MGST1: variants seen among roughly 807,000 people sequenced by gnomAD.
The protein encoded by MGST1 is glutathione S-transferase 12.
Under a neutral mutation model 8.9 loss-of-function variants are expected in MGST1, and 5 were observed. The ratio of observed to expected loss-of-function variants is 0.56; its 90% CI spans 0.29 to 1.19. MGST1 has a LOEUF of 1.19. MGST1 is among the 50% of genes most tolerant of loss of function. The pLI is 0.08. For missense variants in MGST1, 182 were observed against 187.4 expected, an observed-to-expected ratio of 0.97 and a Z score of 0.17; for synonymous variants, 54 against 67.8, an observed-to-expected ratio of 0.80 and a Z score of 1.00.
chr12:16,472,438 T>G (rs1002932054), intron 4 of MGST1, among the ~76,000 whole-genome samples: 4 of 151,908 alleles, frequency 2.6e-5, no homozygotes, highest in Non-Finnish European at 5.9e-5. Flanking sequence ...CTTCTGTTTT[T>G]TTTTTTTTTT....
chr12:16,586,668 G>A lies in MGST1; in HGVS notation n.483-2860G>A, dbSNP rs536677880. ...GATGTGGCAATAAGGCTATACCGTCGGGGTAGAGATTTCAAGATACACATC... is the reference window on the plus strand; with the variant it reads ...GATGTGGCAATAAGGCTATACCGTCAGGGTAGAGATTTCAAGATACACATC... On this transcript the variant is annotated intron_variant and non_coding_transcript_variant, in intron 4 of 4. Coordinates refer to the MGST1 transcript ENST00000538857. The surrounding 1 kb of genome is among the most constrained non-coding windows in gnomAD (Gnocchi z 4.3). 5.4e-4 allele frequency among the ~76,000 whole-genome samples: 82 copies of A among 152,192 alleles called. 1 individual carries two copies. Among genetic ancestry groups the A allele is most frequent in the African/African-American group, 1.8e-3 (75 of 41,522 alleles).
chr12:16,355,359 C>T (rs538375997), intron 2 of MGST1, among the ~76,000 whole-genome samples: 2 of 152,200 alleles, frequency 1.3e-5, no homozygotes, highest in Admixed American at 1.3e-4. Context: ...TAGGCACGCA[C>T]CACCAGGCCC....
chr12:16,404,844 T>G (rs1489744938), intron 1 of MGST1, among the ~76,000 whole-genome samples: 2 of 152,234 alleles, frequency 1.3e-5, no homozygotes, highest in East Asian at 3.8e-4. Flanking sequence ...ATTGCTTTCC[T>G]CTGGCTCTGA....
At chr12:16,478,402 ATTC>A (rs1941338810) in intron 4 of MGST1, among the ~76,000 whole-genome samples, 2 of 150,976 alleles carry the variant, frequency 1.3e-5, no homozygotes, top group Admixed American at 1.3e-4. Context: ...GTTAAAATAA[ATTC>A]TTCTTATTTT....
At chr12:16,434,860 A>G (rs1940970594) in intron 1 of MGST1, among the ~76,000 whole-genome samples, 1 of 151,966 alleles carries the variant, frequency 6.6e-6, no homozygotes, top group African/African-American at 2.4e-5. Flanking sequence ...CCAAGATCAC[A>G]TTTGATATTA....
intron 4 of MGST1, among the ~76,000 whole-genome samples, chr12:16,501,570 A>G (rs1018030906): frequency 2.0e-5 from 3 of 152,160 alleles, no homozygotes; most frequent in African/African-American, 4.8e-5. Flanking sequence ...TATATTTGCT[A>G]TTTCTGGAAT....
chr12:16,508,028 G>A (rs967315736), intron 4 of MGST1, among the ~76,000 whole-genome samples: 2 of 152,122 alleles, frequency 1.3e-5, no homozygotes, highest in African/African-American at 4.8e-5. Context: ...GTGTGTGTAT[G>A]CACATGTGTG....
At chr12:16,477,813 T>A (rs1941334013) in intron 4 of MGST1, among the ~76,000 whole-genome samples, 1 of 152,200 alleles carries the variant, frequency 6.6e-6, no homozygotes, top group Non-Finnish European at 1.5e-5. Context: ...TCATATTGTC[T>A]CAGAGGTGGA....
chr12:16,353,903 G>A lies in MGST1; in HGVS notation c.-22-328G>A, dbSNP rs9332900. 3.7e-3 allele frequency among the ~76,000 whole-genome samples: 560 copies of A among 151,892 alleles called. 2 individuals are homozygous for A. Among genetic ancestry groups the A allele is most frequent in the African/African-American group, 0.013 (538 of 41,370 alleles). On this transcript the variant is annotated intron_variant, in intron 1 of 3. Transcript: ENST00000396210. Reference sequence around the variant, plus strand: ...GTCTCACGAGTAGCTGGGATTGCAGGCACACGCCACTGCGTCTGGCTAATT... The same window carrying A: ...GTCTCACGAGTAGCTGGGATTGCAGACACACGCCACTGCGTCTGGCTAATT...
chr12:16,572,716 ATATAT>A (rs1942858275), intron 4 of MGST1, among the ~76,000 whole-genome samples: 2 of 148,184 alleles, frequency 1.3e-5, no homozygotes, highest in Admixed American at 1.4e-4. Context: ...TATAATTTAA[ATATAT>A]TATAAACCAT....
intron 4 of MGST1, among the ~76,000 whole-genome samples, chr12:16,528,522 T>A (rs1053073467): frequency 1.3e-5 from 2 of 152,060 alleles, no homozygotes; most frequent in African/African-American, 4.8e-5. Flanking sequence ...GGCAGTCAGA[T>A]GTATGTCTGT....
intron 4 of MGST1, among the ~76,000 whole-genome samples, chr12:16,552,105 G>GT (rs1035725773): frequency 6.6e-6 from 1 of 152,024 alleles, no homozygotes; most frequent in Non-Finnish European, 1.5e-5. Flanking sequence ...AGACTGCAAT[G>GT]TTTTTAATAA....
rs186346331 is a variant in MGST1 at position 16,429,832 on chromosome 12, G to C, written n.779-7556G>C. On this transcript the variant is annotated intron_variant and non_coding_transcript_variant, in intron 1 of 1. Transcript: ENST00000359720. ...CTGACTTATCAGGGTGGTGGTTGTT[G>C]AAAGTTGGGGTGGCTGTGGCAATTT... is the stretch of plus-strand genomic sequence containing the variant. Among the ~76,000 whole-genome samples the C allele has an allele frequency of 1.1e-4, 16 of 152,268 alleles. No individual in the cohort carries two copies. In the East Asian group the frequency reaches 3.1e-3, roughly 29 times the overall value.
At chr12:16,407,103 TATC>T (rs1380332053) in intron 1 of MGST1, among the ~76,000 whole-genome samples, 13 of 152,178 alleles carry the variant, frequency 8.5e-5, no homozygotes, top group Admixed American at 7.2e-4. Context: ...TGAAAGAAAC[TATC>T]AACAGAGTGA....
At chr12:16,372,916 A>G (rs917144936) in intron 3 of MGST1, among the ~76,000 whole-genome samples, 2 of 142,626 alleles carry the variant, frequency 1.4e-5, no homozygotes, top group Non-Finnish European at 3.1e-5. Flanking sequence ...TACATATTTT[A>G]TATATTTTAT....
chr12:16,410,635 T>A lies in MGST1; in HGVS notation n.779-26753T>A, dbSNP rs954296195. On this transcript the variant is annotated intron_variant and non_coding_transcript_variant, in intron 1 of 1. Transcript: ENST00000359720. This position sits in a 1 kb window ranked among gnomAD's most constrained non-coding sequence, Gnocchi z 4.4. ...ACATATAAATATTAATATATGTATATGTAATACATATATTATATATAAACA... is the reference window on the plus strand; with the variant it reads ...ACATATAAATATTAATATATGTATAAGTAATACATATATTATATATAAACA... Among the ~76,000 whole-genome samples, 7 of 148,156 alleles carry A rather than the reference T, an allele frequency of 4.7e-5. No individual in the cohort carries two copies. The highest frequency in any genetic ancestry group is 8.9e-5 in the Non-Finnish European group (6 of 67,264).
chr12:16,381,924 C>T (rs142517932), downstream of MGST1, among the ~76,000 whole-genome samples: 553 of 152,290 alleles, frequency 3.6e-3, 5 homozygotes, highest in East Asian at 0.031. Context: ...TCCAGTTGAT[C>T]GCATCAGCTA....
At position 16,477,933 on chromosome 12, in the gene MGST1, G is replaced by A. The variant is rs559764723; in HGVS notation, n.482+94329G>A. On this transcript the variant is annotated intron_variant and non_coding_transcript_variant, in intron 4 of 4. Coordinates refer to the MGST1 transcript ENST00000538857. Reference sequence around the variant, plus strand: ...AAATGGAAAGGGTTCACAGTGCAGCGTTGTAAATGTCAAAATTGCATATTA... The same window carrying A: ...AAATGGAAAGGGTTCACAGTGCAGCATTGTAAATGTCAAAATTGCATATTA... 4.6e-5 allele frequency among the ~76,000 whole-genome samples: 7 copies of A among 152,274 alleles called. No homozygotes were observed. In the South Asian group the frequency reaches 8.3e-4, roughly 18 times the overall value.
At position 16,548,266 on chromosome 12, in the gene MGST1, T is replaced by C. The variant is rs964068689; in HGVS notation, n.483-41262T>C. The C allele has an allele frequency of 1.3e-5, 2 of 152,160 alleles. No homozygotes were observed. Among genetic ancestry groups the C allele is most frequent in the African/African-American group, 4.8e-5 (2 of 41,452 alleles). The allele number at this position is 152,160 out of a possible 1,614,324, so 9.4% of individuals were successfully genotyped here. On this transcript the variant is annotated intron_variant and non_coding_transcript_variant, in intron 4 of 4. Transcript: ENST00000538857. This position sits in a 1 kb window ranked among gnomAD's most constrained non-coding sequence, Gnocchi z 4.2. ...TGCTTTGTCTATGCTTGTTATGACTTAGCTTTAGAAAGTAAATGTCCTTAC... is the reference window on the plus strand; with the variant it reads ...TGCTTTGTCTATGCTTGTTATGACTCAGCTTTAGAAAGTAAATGTCCTTAC...
Sources: allele counts gnomAD v4.1 joint callset (sites outside exome capture counted in the v4.1 genomes callset), GRCh38; gene constraint gnomAD v4.1.1; non-coding constraint Gnocchi (gnomAD v3.1); transcripts MANE v1.5; gene names NCBI Gene and HGNC (gene_info 2026-07-23, HGNC 2026-07-21).